BAG4: variants seen among roughly 807,000 people sequenced by gnomAD.
BAG4 encodes BAG family molecular chaperone regulator 4.
BAG4 carries 28 observed loss-of-function variants against 52.1 expected under a neutral mutation model. That is an observed-to-expected ratio of 0.54 (90% CI 0.40 to 0.74). The LOEUF is 0.74. Ranked by LOEUF, BAG4 falls within the 30% of genes least tolerant of loss-of-function variation. The pLI is 0.00. For synonymous variants in BAG4, 208 were observed against 217.0 expected (o/e 0.96, Z 0.37); for missense variants, 525 against 572.0 (o/e 0.92, Z 0.84).
Position 38,210,346 on chromosome 8 carries a change from C to T in BAG4, c.1227C>T (p.Tyr409=), listed in dbSNP as rs1481587995. The T allele has an allele frequency of 6.2e-7, 1 of 1,614,166 alleles. No homozygotes were observed. The highest frequency in any genetic ancestry group is 1.7e-5 in the Admixed American group (1 of 60,014). The change falls in exon 5 of 5, where the codon TAC becomes TAT. Residue 409 remains tyrosine, a synonymous_variant. Coordinates refer to ENST00000287322, the MANE Select transcript of BAG4 (RefSeq NM_004874.4). ...EFVGKKTDKA[Y]WLLEEMLTKE... is the part of the protein sequence containing the mutation. ...TAGGAAAAAAGACAGACAAAGCATA[C>T]TGGCTTCTGGAAGAAATGCTAACCA...
At chr8:38,183,410 TCTC>T (rs958124787) in intron 1 of BAG4, among the ~76,000 whole-genome samples, 8 of 152,144 alleles carry the variant, frequency 5.3e-5, no homozygotes, top group African/African-American at 1.9e-4. Flanking sequence ...TCCCAGAACT[TCTC>T]CTGCCGACTC....
rs1563281759 is a variant in BAG4 at position 38,192,775 on chromosome 8, A to G, written c.358A>G (p.Arg120Gly). 1.2e-6 allele frequency: 2 copies of G among 1,608,904 alleles called. No individual in the cohort carries two copies. Among genetic ancestry groups the G allele is most frequent in the Non-Finnish European group, 1.7e-6 (2 of 1,177,632 alleles). ...RAPYPSTYPV[R>G]PELQGQSLNS... is the part of the protein sequence containing the mutation. Reference sequence around the variant, plus strand: ...TCCTTACCCAAGTACATATCCTGTAAGACCAGAATTGCAAGGCCAGGTATG... The same window carrying G: ...TCCTTACCCAAGTACATATCCTGTAGGACCAGAATTGCAAGGCCAGGTATG... The change falls in exon 2 of 5, where the codon AGA becomes GGA. Residue 120 changes from arginine to glycine, a missense_variant. By Grantham distance (125) the Arg-to-Gly change is moderately radical. Coordinates refer to ENST00000287322, the MANE Select transcript of BAG4 (RefSeq NM_004874.4).
chr8:38,192,877 G>A (rs1225852454), intron 2 of BAG4, 82 bp downstream of exon 2: 1 of 1,007,612 alleles, frequency 9.9e-7, no homozygotes, highest in Non-Finnish European at 1.4e-6. Context: ...TTTTAGAGCA[G>A]TGATGAGTGT....
At chr8:38,202,559 C>G (rs1803698034) in intron 2 of BAG4, among the ~76,000 whole-genome samples, 2 of 142,958 alleles carry the variant, frequency 1.4e-5, no homozygotes, top group Admixed American at 7.0e-5. Flanking sequence ...GCTCGGCCCC[C>G]TTTTTTTTTT....
At chr8:38,203,697 C>T (rs1803722739) in intron 2 of BAG4, among the ~76,000 whole-genome samples, 1 of 151,782 alleles carries the variant, frequency 6.6e-6, no homozygotes, top group Admixed American at 6.6e-5. Flanking sequence ...AGGCTGGGTG[C>T]AGTGGCTCAT....
chr8:38,178,058 A>G (rs1380595088), intron 1 of BAG4, among the ~76,000 whole-genome samples: 1 of 152,044 alleles, frequency 6.6e-6, no homozygotes, highest in African/African-American at 2.4e-5. Flanking sequence ...CTGGCTATAT[A>G]CCCAAGAAAA....
At chr8:38,184,827 A>T (rs1585652317) in intron 1 of BAG4, among the ~76,000 whole-genome samples, 2 of 152,272 alleles carry the variant, frequency 1.3e-5, no homozygotes, top group East Asian at 3.9e-4. Flanking sequence ...GCAGTGGCTC[A>T]CGCCTATAAT....
chr8:38,196,243 A>G (rs1803557982), intron 2 of BAG4, among the ~76,000 whole-genome samples: 1 of 152,194 alleles, frequency 6.6e-6, no homozygotes, highest in Admixed American at 6.6e-5. Context: ...TATATGTATC[A>G]ATTTGAGGAA....
At chr8:38,189,489 G>A (rs2130670695) in intron 1 of BAG4, among the ~76,000 whole-genome samples, 1 of 152,242 alleles carries the variant, frequency 6.6e-6, no homozygotes, top group South Asian at 2.1e-4. Context: ...TGCATTAATT[G>A]ACTTTTCCTA....
chr8:38,199,555 G>A (rs1311406848), intron 2 of BAG4, among the ~76,000 whole-genome samples: 12 of 146,260 alleles, frequency 8.2e-5, no homozygotes, highest in Non-Finnish European at 1.5e-4. Flanking sequence ...GCAGAGTCTC[G>A]CTCTGTCGCC....
intron 2 of BAG4, among the ~76,000 whole-genome samples, chr8:38,196,683 C>T (rs1314266151): frequency 6.6e-6 from 1 of 151,816 alleles, no homozygotes; most frequent in Non-Finnish European, 1.5e-5. Context: ...TTAGTGGGTG[C>T]AAAGTGGTTT....
chr8:38,177,285 G>T (rs1447834015), intron 1 of BAG4, 146 bp downstream of exon 1: 2 of 1,123,094 alleles, frequency 1.8e-6, no homozygotes, highest in East Asian at 2.7e-5. Flanking sequence ...AAGATCAGAG[G>T]TTGGGGGGAC....
At chr8:38,183,138 G>A (rs1200027237) in intron 1 of BAG4, among the ~76,000 whole-genome samples, 1 of 148,618 alleles carries the variant, frequency 6.7e-6, no homozygotes, top group Non-Finnish European at 1.5e-5. Flanking sequence ...TCCGCCTCCC[G>A]GGTTCATGCC....
intron 2 of BAG4, among the ~76,000 whole-genome samples, chr8:38,193,271 T>C (rs964684615): frequency 6.6e-6 from 1 of 151,440 alleles, no homozygotes; most frequent in Non-Finnish European, 1.5e-5. Flanking sequence ...ATACAAAAAT[T>C]AGCTGGGTGT....
At chr8:38,195,423 G>A (rs1342094457) in intron 2 of BAG4, among the ~76,000 whole-genome samples, 1 of 152,142 alleles carries the variant, frequency 6.6e-6, no homozygotes, top group African/African-American at 2.4e-5. Flanking sequence ...TGAGTAGCTA[G>A]GACTAAAAGT....
rs376393739 is a variant in BAG4, at chr8:38,210,292, G to C, written c.1173G>C (p.Gln391His). ...KKIIHVLEKV[Q>H]YLEQEVEEFV... Reference sequence around the variant, plus strand: ...TCATACATGTGCTGGAGAAGGTCCAGTATCTTGAACAAGAAGTAGAAGAAT... The same window carrying C: ...TCATACATGTGCTGGAGAAGGTCCACTATCTTGAACAAGAAGTAGAAGAAT... Residue 391 changes from glutamine to histidine, a missense_variant, in exon 5 of 5, where the codon CAG becomes CAC. By Grantham distance (24) the Gln-to-His change is conservative. Coordinates refer to ENST00000287322, the MANE Select transcript of BAG4 (RefSeq NM_004874.4). 1 of 1,614,046 alleles carries C rather than the reference G, an allele frequency of 6.2e-7. No homozygotes were observed. The highest frequency in any genetic ancestry group is 1.3e-5 in the African/African-American group (1 of 74,920).
chr8:38,195,105 C>T (rs953837184), intron 2 of BAG4, among the ~76,000 whole-genome samples: 5 of 150,492 alleles, frequency 3.3e-5, no homozygotes, highest in South Asian at 2.1e-4. Flanking sequence ...CCACCCGTCT[C>T]GGCCTCCCAA....
At chr8:38,209,476 T>A in intron 4 of BAG4, 2 of 611,224 alleles carry the variant, frequency 3.3e-6, no homozygotes, top group Non-Finnish European at 5.3e-6. Flanking sequence ...CACATCGTTT[T>A]TGTTAAAAGA....
chr8:38,198,142 T>TGGGAGGCCAAGGCGGGCAGATC (rs908617955), intron 2 of BAG4, among the ~76,000 whole-genome samples: 3 of 151,744 alleles, frequency 2.0e-5, no homozygotes, highest in African/African-American at 7.3e-5. Flanking sequence ...CCTAGCAATT[T>TGGGAGGCCAAGGCGGGCAGATC]GGGAGGCCAA....
Sources: gnomAD v4.1 joint callset for allele counts (sites outside exome capture counted in the v4.1 genomes callset) on GRCh38, gnomAD v4.1.1 for gene constraint, MANE v1.5 for transcripts, NCBI Gene and HGNC (gene_info 2026-07-23, HGNC 2026-07-21) for gene names.